The following CYRIA variants were observed in gnomAD, a reference collection of about 807,000 sequenced individuals.
The protein encoded by CYRIA is CYFIP related Rac1 interactor A, also known as CYFIP-related Rac1 interactor A.
CYRIA carries 15 observed loss-of-function variants against 43.9 expected under a neutral mutation model. The observed-to-expected ratio is 0.34, with a 90% CI of 0.23 to 0.53. The LOEUF (loss-of-function observed/expected upper bound fraction) is 0.53. CYRIA is among the 20% of genes least tolerant of loss of function. The pLI is 0.94. For missense variants in CYRIA, 236 were observed against 394.2 expected, an observed-to-expected ratio of 0.60 and a Z score of 3.40; for synonymous variants, 117 against 136.0, an observed-to-expected ratio of 0.86 and a Z score of 0.97.
intron 2 of CYRIA, among the ~76,000 whole-genome samples, chr2:16,589,443 T>G (rs1667845283): frequency 6.6e-6 from 1 of 152,022 alleles, no homozygotes. Context: ...CTCCCCGATA[T>G]AAATCACTAA....
chr2:16,585,827 G>T (rs1190987995), intron 3 of CYRIA, among the ~76,000 whole-genome samples: 5 of 152,082 alleles, frequency 3.3e-5, no homozygotes, highest in Admixed American at 6.6e-5. Context: ...GTGCTATGGT[G>T]GGGGGATGGA....
At chr2:16,582,683 C>A (rs11096647) in intron 3 of CYRIA, among the ~76,000 whole-genome samples, 32 of 152,168 alleles carry the variant, frequency 2.1e-4, no homozygotes, top group African/African-American at 6.7e-4. Context: ...GTCATATCAC[C>A]TATCAGTACT....
At chr2:16,592,148 A>G (rs1667954919) in intron 2 of CYRIA, among the ~76,000 whole-genome samples, 1 of 152,154 alleles carries the variant, frequency 6.6e-6, no homozygotes, top group Admixed American at 6.5e-5. Flanking sequence ...CATGACACTC[A>G]AAGGAAATAC....
chr2:16,561,117 G>A, intron 8 of CYRIA, 44 bp downstream of exon 8: 3 of 1,609,770 alleles, frequency 1.9e-6, no homozygotes, highest in Non-Finnish European at 2.6e-6. Flanking sequence ...CAGCTCTTGT[G>A]TGGAATTAAG....
intron 9 of CYRIA, 101 bp downstream of exon 9, chr2:16,560,889 T>C (rs2103410094): frequency 2.0e-6 from 2 of 1,023,020 alleles, no homozygotes; most frequent in East Asian, 2.4e-5. Flanking sequence ...ATGAAAACTT[T>C]AGGGTGTTGA....
intron 3 of CYRIA, among the ~76,000 whole-genome samples, chr2:16,576,353 T>A (rs1572472466): frequency 6.6e-6 from 1 of 152,154 alleles, no homozygotes. Flanking sequence ...TAAAACAGTA[T>A]AATAAAAGTC....
At chr2:16,624,386 T>C (rs1295361832) in intron 1 of CYRIA, among the ~76,000 whole-genome samples, 4 of 152,210 alleles carry the variant, frequency 2.6e-5, no homozygotes, top group African/African-American at 9.6e-5. Context: ...GTTTAACACA[T>C]TTTGAAAAAG....
chr2:16,564,862 C>T (rs879686741), intron 4 of CYRIA, among the ~76,000 whole-genome samples: 3 of 152,062 alleles, frequency 2.0e-5, no homozygotes, highest in Non-Finnish European at 4.4e-5. Flanking sequence ...TTTAGAAAAT[C>T]TCATAAGACA....
intron 5 of CYRIA, among the ~76,000 whole-genome samples, chr2:16,563,291 C>T (rs780219839): frequency 6.6e-6 from 1 of 152,168 alleles, no homozygotes; most frequent in Non-Finnish European, 1.5e-5. Context: ...TACTTCCCTT[C>T]GTCTCAGCTT....
At chr2:16,588,603 T>C (rs553610875) in intron 2 of CYRIA, among the ~76,000 whole-genome samples, 1 of 152,240 alleles carries the variant, frequency 6.6e-6, no homozygotes, top group Admixed American at 6.5e-5. Flanking sequence ...ATGTGGAACA[T>C]GTCACATCAG....
At chr2:16,662,997 A>G (rs1670303233) in intron 1 of CYRIA, among the ~76,000 whole-genome samples, 1 of 152,266 alleles carries the variant, frequency 6.6e-6, no homozygotes, top group South Asian at 2.1e-4. Flanking sequence ...AATGTAAGAT[A>G]CATAAATAAG....
chr2:16,555,704 A>T (rs1021311916), intron 10 of CYRIA, among the ~76,000 whole-genome samples: 15 of 151,948 alleles, frequency 9.9e-5, no homozygotes, highest in Non-Finnish European at 2.1e-4. Flanking sequence ...AGCAACCAAC[A>T]CCTTTCTGTG....
At chr2:16,559,711 C>A in intron 9 of CYRIA, 125 bp from the exon 10 acceptor site, 1 of 1,014,604 alleles carries the variant, frequency 9.9e-7, no homozygotes, top group South Asian at 1.9e-5. Context: ...CCTGCAACAA[C>A]CAGTTAATAT....
In CYRIA at chr2:16,619,384, T is replaced by G. The variant is rs544194415; in HGVS notation, c.-11+4480A>C. Reference sequence around the variant, plus strand: ...CTCTGTGTGTGTGTGCATATATAGATATATATATATATACACACACACATA... The same window carrying G: ...CTCTGTGTGTGTGTGCATATATAGAGATATATATATATACACACACACATA... On this transcript the variant is annotated intron_variant, in intron 2 of 11. Transcript: ENST00000381323. Among the ~76,000 whole-genome samples, 36 of 150,838 alleles carry G rather than the reference T, an allele frequency of 2.4e-4. 1 individual carries two copies. The South Asian group carries it at 7.5e-3, about 31-fold the overall frequency.
At chr2:16,619,485 G>A (rs1371769209) in intron 2 of CYRIA, among the ~76,000 whole-genome samples, 1 of 152,144 alleles carries the variant, frequency 6.6e-6, no homozygotes, top group Non-Finnish European at 1.5e-5. Flanking sequence ...TTTTCACTTA[G>A]AAGAAGCAGA....
chr2:16,581,269 A>G (rs1034978306), intron 3 of CYRIA, among the ~76,000 whole-genome samples: 7 of 152,216 alleles, frequency 4.6e-5, no homozygotes, highest in Non-Finnish European at 1.0e-4. Context: ...CGAACAACCT[A>G]ATTAAAACTA....
At chr2:16,585,884 T>C (rs981652003) in intron 3 of CYRIA, among the ~76,000 whole-genome samples, 1 of 152,146 alleles carries the variant, frequency 6.6e-6, no homozygotes, top group African/African-American at 2.4e-5. Context: ...AGAATACCAG[T>C]TGAAAACCAG....
intron 2 of CYRIA, among the ~76,000 whole-genome samples, chr2:16,605,887 T>A (rs986757515): frequency 2.6e-5 from 4 of 152,188 alleles, no homozygotes; most frequent in African/African-American, 9.7e-5. Context: ...CAACTTCTCC[T>A]TGCTGAGATA....
In CYRIA at chr2:16,614,745, C is replaced by T. The variant is rs73918615; in HGVS notation, c.-11+9119G>A. On this transcript the variant is annotated intron_variant, in intron 2 of 11. Transcript: ENST00000381323. ...AGATGGAAAATACACTGAGACGGAG[C>T]GTAGAGACACCCGGTCACCTGCCAC... is the stretch of plus-strand genomic sequence containing the variant. Among the ~76,000 whole-genome samples, 91 of 152,314 alleles carry T rather than the reference C, an allele frequency of 6.0e-4. 1 individual carries two copies. The highest frequency in any genetic ancestry group is 2.1e-4 in the Non-Finnish European group (14 of 68,034).
Sources: allele counts gnomAD v4.1 joint callset (sites outside exome capture counted in the v4.1 genomes callset), GRCh38; gene constraint gnomAD v4.1.1; transcripts MANE v1.5; gene names NCBI Gene and HGNC (gene_info 2026-07-23, HGNC 2026-07-21).